The following CFAP52 variants were observed in gnomAD, a reference collection of about 807,000 sequenced individuals.
CFAP52 encodes the protein cilia and flagella associated protein 52, also known as cilia- and flagella-associated protein 52.
A neutral mutation model predicts 70.5 loss-of-function variants in CFAP52; 57 were observed. The ratio of observed to expected loss-of-function variants is 0.81; its 90% confidence interval spans 0.65 to 1.01. The LOEUF is 1.01. CFAP52 is among the 50% of genes least tolerant of loss of function. The probability of loss-of-function intolerance (pLI) is 0.00; values close to 1 mark genes in which losing one functional copy is unlikely to be tolerated. For synonymous variants in CFAP52, 267 were observed against 292.5 expected (o/e 0.91, Z 0.89); for missense variants, 785 against 788.5 (o/e 1.00, Z 0.05).
intron 11 of CFAP52, among the ~76,000 whole-genome samples, chr17:9,637,927 C>T (rs538809756): frequency 1.4e-3 from 214 of 151,402 alleles, no homozygotes; most frequent in African/African-American, 4.5e-3. Context: ...TCTTCAGTTG[C>T]GGGAGGCCAG....
rs79408319 is a variant in CFAP52, at chr17:9,586,124, G to T, written c.270+152G>T. On this transcript the variant is annotated intron_variant, in intron 2 of 13. Transcript: ENST00000352665. ...TTCTCTTTTAACCCATTTTCATTCCGTCAGACCGGGAGTGAAGGACTCTGA... is the reference window on the plus strand; with the variant it reads ...TTCTCTTTTAACCCATTTTCATTCCTTCAGACCGGGAGTGAAGGACTCTGA... 1,080 of 817,232 alleles carry T rather than the reference G, an allele frequency of 1.3e-3. 1 individual carries two copies. The highest frequency in any genetic ancestry group is 1.8e-3 in the Non-Finnish European group (984 of 532,668). 50.6% of individuals were successfully genotyped at this position (817,232 alleles called of 1,614,324 possible).
At chr17:9,633,445 T>A (rs760971007) in intron 10 of CFAP52, among the ~76,000 whole-genome samples, 5 of 152,110 alleles carry the variant, frequency 3.3e-5, no homozygotes, top group Admixed American at 6.6e-5. Context: ...CCTCAGATGA[T>A]CCACCTGCCT....
intron 8 of CFAP52, among the ~76,000 whole-genome samples, chr17:9,627,466 T>C (rs1393687915): frequency 6.6e-6 from 1 of 152,050 alleles, no homozygotes; most frequent in East Asian, 1.9e-4. Context: ...ATCGGACCAT[T>C]GCACTCCAGC....
intron 10 of CFAP52, among the ~76,000 whole-genome samples, chr17:9,634,735 GC>G (rs1204724255): frequency 6.6e-6 from 1 of 152,180 alleles, no homozygotes; most frequent in Non-Finnish European, 1.5e-5. Context: ...TTGCACTCCA[GC>G]CTGGGAGACG....
At chr17:9,586,602 G>A (rs894313219) in intron 2 of CFAP52, 96 bp from the exon 3 acceptor site, 1 of 1,270,440 alleles carries the variant, frequency 7.9e-7, no homozygotes, top group Non-Finnish European at 1.1e-6. Context: ...AAAAAGAAAA[G>A]TGACAGTACT....
At chr17:9,576,816 T>A in intron 1 of CFAP52, 51 bp downstream of exon 1, 1 of 1,584,212 alleles carries the variant, frequency 6.3e-7, no homozygotes, top group Non-Finnish European at 8.6e-7. Flanking sequence ...TCGGAGGACG[T>A]GTAGTGCAAA....
chr17:9,587,768 C>T (rs531853925), intron 3 of CFAP52, among the ~76,000 whole-genome samples: 15 of 152,222 alleles, frequency 9.9e-5, no homozygotes, highest in African/African-American at 3.4e-4. Context: ...GATACTTTTT[C>T]AGATGCCAAG....
chr17:9,628,285 T>C (rs537397294), intron 8 of CFAP52, among the ~76,000 whole-genome samples: 1 of 150,834 alleles, frequency 6.6e-6, no homozygotes, highest in East Asian at 1.9e-4. Flanking sequence ...CTATATTCTT[T>C]TTTTTTTTTT....
At chr17:9,585,676 C>A in intron 1 of CFAP52, 97 bp from the exon 2 acceptor site, 1 of 1,249,940 alleles carries the variant, frequency 8.0e-7, no homozygotes, top group Non-Finnish European at 1.1e-6. Flanking sequence ...CTGTCACACA[C>A]ACACACACAC....
chr17:9,627,392 T>C (rs1910278554), intron 8 of CFAP52, among the ~76,000 whole-genome samples: 1 of 152,074 alleles, frequency 6.6e-6, no homozygotes, highest in Admixed American at 6.6e-5. Context: ...ATGCCTGTAA[T>C]CCCAGCTACT....
At chr17:9,632,499 A>G (rs1237438447) in intron 9 of CFAP52, among the ~76,000 whole-genome samples, 1 of 152,190 alleles carries the variant, frequency 6.6e-6, no homozygotes, top group Non-Finnish European at 1.5e-5. Flanking sequence ...GGAAGCAAGC[A>G]TAAGCTGTTA....
At chr17:9,577,162 C>G (rs960378145) in intron 1 of CFAP52, among the ~76,000 whole-genome samples, 1 of 152,220 alleles carries the variant, frequency 6.6e-6, no homozygotes, top group African/African-American at 2.4e-5. Flanking sequence ...AGGATGCTGT[C>G]TGTGTCGGCC....
chr17:9,586,124 G>A lies in CFAP52; in HGVS notation c.270+152G>A, dbSNP rs79408319. The A allele has an allele frequency of 8.3e-5, 68 of 817,124 alleles. 2 individuals carry two copies. The highest frequency in any genetic ancestry group is 3.8e-4 in the East Asian group (14 of 37,310). 50.6% of individuals were successfully genotyped at this position (817,124 alleles called of 1,614,324 possible). ...TTCTCTTTTAACCCATTTTCATTCC[G>A]TCAGACCGGGAGTGAAGGACTCTGA... On this transcript the variant is annotated intron_variant, in intron 2 of 13. Coordinates refer to ENST00000352665, the MANE Select transcript of CFAP52 (RefSeq NM_145054.5).
intron 9 of CFAP52, among the ~76,000 whole-genome samples, chr17:9,629,817 C>T (rs1356213771): frequency 6.6e-6 from 1 of 151,860 alleles, no homozygotes; most frequent in Non-Finnish European, 1.5e-5. Flanking sequence ...CTTGAACTCC[C>T]GACCTCAGGC....
chr17:9,615,318 T>C (rs1235764551), intron 8 of CFAP52, among the ~76,000 whole-genome samples: 1 of 152,248 alleles, frequency 6.6e-6, no homozygotes, highest in Non-Finnish European at 1.5e-5. Flanking sequence ...CAATTGCATA[T>C]GAGCTAATAT....
intron 8 of CFAP52, among the ~76,000 whole-genome samples, chr17:9,621,913 G>A (rs1007622447): frequency 1.3e-5 from 2 of 148,934 alleles, no homozygotes; most frequent in Non-Finnish European, 3.0e-5. Flanking sequence ...TAGATGACAC[G>A]TTAGTGGGTG....
chr17:9,627,536 AT>A (rs1910285385), intron 8 of CFAP52, among the ~76,000 whole-genome samples: 1 of 152,112 alleles, frequency 6.6e-6, no homozygotes, highest in African/African-American at 2.4e-5. Context: ...AAATAAATAA[AT>A]ATTGTCTACT....
intron 9 of CFAP52, among the ~76,000 whole-genome samples, chr17:9,629,496 T>TTTCTTTCTTTCTTTCTTTC (rs375629381): frequency 4.6e-4 from 68 of 146,450 alleles, no homozygotes; most frequent in African/African-American, 1.6e-3. Context: ...TCTTTCTTTC[T>TTTCTTTCTTTCTTTCTTTC]TTTCTTTTCT....
chr17:9,602,299 G>A (rs773841851), intron 6 of CFAP52, among the ~76,000 whole-genome samples: 28 of 151,930 alleles, frequency 1.8e-4, no homozygotes, highest in South Asian at 4.2e-4. Flanking sequence ...GACAGGCCCC[G>A]GTGTGTGATG....
Sources: allele counts gnomAD v4.1 joint callset (sites outside exome capture counted in the v4.1 genomes callset), GRCh38; gene constraint gnomAD v4.1.1; transcripts MANE v1.5; gene names NCBI Gene and HGNC (gene_info 2026-07-23, HGNC 2026-07-21).